PDE4B: variants seen among roughly 807,000 people sequenced by gnomAD.
PDE4B encodes the protein phosphodiesterase 4B.
PDE4B carries 20 observed loss-of-function variants against 82.2 expected under a neutral mutation model. The ratio of observed to expected loss-of-function variants is 0.24; its 90% CI spans 0.17 to 0.35. The LOEUF is 0.35. PDE4B is among the 10% of genes least tolerant of loss of function. PDE4B has a pLI of 1.00. For synonymous variants in PDE4B, 320 were observed against 318.9 expected (o/e 1.00, Z -0.04); for missense variants, 655 against 907.2 (o/e 0.72, Z 3.57).
At chr1:66,236,750 G>T (rs1330112266) in intron 3 of PDE4B, among the ~76,000 whole-genome samples, 1 of 152,082 alleles carries the variant, frequency 6.6e-6, no homozygotes, top group African/African-American at 2.4e-5. Context: ...CAGAGGAGTT[G>T]GCTTCTGATA....
chr1:66,194,993 A>C (rs1648168132), intron 3 of PDE4B, among the ~76,000 whole-genome samples: 3 of 152,190 alleles, frequency 2.0e-5, no homozygotes, highest in Admixed American at 2.0e-4. Flanking sequence ...AGTGATGATT[A>C]GTAATGAGTT....
intron 1 of PDE4B, among the ~76,000 whole-genome samples, chr1:65,830,370 T>C (rs1301497593): frequency 6.6e-6 from 1 of 152,160 alleles, no homozygotes; most frequent in African/African-American, 2.4e-5. Context: ...GACTGTACTT[T>C]GTGTCTTGCT....
intron 3 of PDE4B, among the ~76,000 whole-genome samples, chr1:66,048,421 G>A (rs1229980713): frequency 2.0e-5 from 3 of 151,904 alleles, no homozygotes; most frequent in Non-Finnish European, 4.4e-5. Flanking sequence ...GGATGCTGGT[G>A]AAAAATCTTG....
rs573502853 is a variant in PDE4B at position 66,236,901 on chromosome 1, G to A, written c.282-10559G>A. 2.0e-5 allele frequency among the ~76,000 whole-genome samples: 3 copies of A among 152,300 alleles called. No homozygotes were observed. In the South Asian group the frequency reaches 6.2e-4, roughly 32 times the overall value. On this transcript the variant is annotated intron_variant, in intron 3 of 16. Coordinates refer to ENST00000341517, the MANE Select transcript of PDE4B (RefSeq NM_002600.4). The stretch of plus-strand genomic sequence containing the variant: ...CCATTTAATAGCTAAGTGGTTGTCA[G>A]CAAGTTATTTAAGCCTTTTAAATTT...
intron 3 of PDE4B, among the ~76,000 whole-genome samples, chr1:66,206,025 CAG>C (rs1452427637): frequency 1.3e-5 from 2 of 152,186 alleles, no homozygotes; most frequent in Non-Finnish European, 2.9e-5. Flanking sequence ...TGCTAGGAAT[CAG>C]GGGTTTCTAC....
intron 7 of PDE4B, among the ~76,000 whole-genome samples, chr1:66,288,369 G>A (rs1327789825): frequency 6.6e-6 from 1 of 152,002 alleles, no homozygotes. Flanking sequence ...CCAACACTGA[G>A]GATTACATTC....
chr1:66,015,120 A>G (rs1652695593), intron 3 of PDE4B, among the ~76,000 whole-genome samples: 1 of 152,140 alleles, frequency 6.6e-6, no homozygotes, highest in African/African-American at 2.4e-5. Flanking sequence ...TTTTGCCTTT[A>G]AGACTGTTCT....
At chr1:66,211,169 C>T (rs143266613) in intron 3 of PDE4B, among the ~76,000 whole-genome samples, 13 of 152,282 alleles carry the variant, frequency 8.5e-5, no homozygotes, top group South Asian at 4.1e-4. Context: ...CTGAATTCCG[C>T]GTGATATGAA....
chr1:65,797,182 C>T (rs928097365), intron 1 of PDE4B, among the ~76,000 whole-genome samples: 24 of 152,066 alleles, frequency 1.6e-4, no homozygotes, highest in Non-Finnish European at 2.4e-4. Flanking sequence ...TCTCGATCTT[C>T]TGACCTCGTG....
chr1:66,255,262 T>C lies in PDE4B; in HGVS notation c.477-2385T>C, dbSNP rs1654120871. The stretch of plus-strand genomic sequence containing the variant: ...ACCACACCCAGCTAATTTTGTATTT[T>C]TTTTTAGTAGAGACAGGGTTCCTCC... On this transcript the variant is annotated intron_variant, in intron 4 of 16. Transcript: ENST00000341517. Among the ~76,000 whole-genome samples the C allele has an allele frequency of 3.3e-5, 5 of 152,192 alleles. 1 individual carries two copies. In the South Asian group the frequency reaches 1.0e-3, roughly 32 times the overall value.
intron 3 of PDE4B, among the ~76,000 whole-genome samples, chr1:66,200,334 T>G (rs1440227547): frequency 6.6e-6 from 1 of 152,194 alleles, no homozygotes; most frequent in Non-Finnish European, 1.5e-5. Flanking sequence ...TGAGGGCTCT[T>G]TTTTGGTTCC....
intron 2 of PDE4B, among the ~76,000 whole-genome samples, chr1:65,917,734 G>T (rs1647179282): frequency 6.6e-6 from 1 of 152,030 alleles, no homozygotes; most frequent in South Asian, 2.1e-4. Context: ...ACTGAATAAA[G>T]TATACTTCTT....
chr1:65,897,349 T>C (rs1646922570), intron 1 of PDE4B, among the ~76,000 whole-genome samples: 1 of 152,104 alleles, frequency 6.6e-6, no homozygotes, highest in Admixed American at 6.6e-5. Flanking sequence ...GAAATATTAA[T>C]GCTCCTGTCT....
intron 3 of PDE4B, chr1:66,152,668 A>T (rs1026049487): frequency 4.9e-5 from 7 of 141,778 alleles, no homozygotes; most frequent in Non-Finnish European, 9.3e-5. Flanking sequence ...ACACACACAC[A>T]CTAAGAAGTT....
intron 3 of PDE4B, among the ~76,000 whole-genome samples, chr1:66,084,567 A>G (rs549443701): frequency 3.3e-5 from 5 of 152,262 alleles, no homozygotes; most frequent in African/African-American, 1.2e-4. Context: ...GACCAGAGCA[A>G]ACTCTGGTTT....
intron 1 of PDE4B, among the ~76,000 whole-genome samples, chr1:65,881,613 T>C (rs1000016514): frequency 2.0e-5 from 3 of 152,234 alleles, no homozygotes; most frequent in Non-Finnish European, 4.4e-5. Context: ...AATTGTCTTC[T>C]CTTGTCTATA....
Position 66,015,392 on chromosome 1 carries a change from C to T in PDE4B, c.281+96557C>T, listed in dbSNP as rs1327155013. On this transcript the variant is annotated intron_variant, in intron 3 of 16. Transcript: ENST00000341517. The stretch of plus-strand genomic sequence containing the variant: ...TTTATAATAAATAGTTAATTTATAA[C>T]ACCCAGGCTTGTGTTTAAAATTCCA... Among the ~76,000 whole-genome samples, 13 of 152,090 alleles carry T rather than the reference C, an allele frequency of 8.5e-5. No individual in the cohort carries two copies. The South Asian group carries it at 2.7e-3, about 32-fold the overall frequency.
chr1:66,348,645 A>C (rs1661587938), intron 8 of PDE4B, among the ~76,000 whole-genome samples: 1 of 151,676 alleles, frequency 6.6e-6, no homozygotes, highest in African/African-American at 2.4e-5. Flanking sequence ...TGCACATGCA[A>C]TATCAGGACC....
chr1:65,915,234 A>T (rs1176798346), intron 2 of PDE4B, among the ~76,000 whole-genome samples: 1 of 152,180 alleles, frequency 6.6e-6, no homozygotes, highest in Non-Finnish European at 1.5e-5. Context: ...AGCGATAAAA[A>T]TTATTCCAAC....
Sources: allele counts gnomAD v4.1 joint callset (sites outside exome capture counted in the v4.1 genomes callset), GRCh38; gene constraint gnomAD v4.1.1; transcripts MANE v1.5; gene names NCBI Gene and HGNC (gene_info 2026-07-23, HGNC 2026-07-21).